The following MAGI2 variants were observed in gnomAD, a reference collection of about 807,000 sequenced individuals.
MAGI2 encodes the protein membrane associated guanylate kinase, WW and PDZ domain containing 2.
Under a neutral mutation model 133.3 loss-of-function variants are expected in MAGI2, and 35 were observed. The ratio of observed to expected loss-of-function variants is 0.26; its 90% CI spans 0.20 to 0.35. The LOEUF (loss-of-function observed/expected upper bound fraction) is 0.35, where lower values mean the gene tolerates loss of function less well. Among genes scored for constraint, MAGI2 ranks in the 10% least tolerant of loss-of-function variants. The pLI is 1.00. For synonymous variants in MAGI2, 729 were observed against 710.6 expected, an observed-to-expected ratio of 1.03 and a Z score of -0.41; for missense variants, 1,636 against 1,863.4, an observed-to-expected ratio of 0.88 and a Z score of 2.25.
rs554180734 is a variant in MAGI2 at position 78,891,192 on chromosome 7, T to G, written c.418+115898A>C. Among the ~76,000 whole-genome samples the G allele has an allele frequency of 3.8e-3, 572 of 152,268 alleles. 4 individuals carry two copies. The highest frequency in any genetic ancestry group is 0.013 in the African/African-American group (548 of 41,556). On this transcript the variant is annotated intron_variant, in intron 2 of 21. Transcript: ENST00000354212. ...GACTAAACCAGGAAGAAGTTGAATT[T>G]CTGAATAGACCAATAACAGGCTCTG...
At chr7:79,442,556 G>C (rs1001695101) in intron 1 of MAGI2, among the ~76,000 whole-genome samples, 4 of 151,810 alleles carry the variant, frequency 2.6e-5, no homozygotes, top group Non-Finnish European at 5.9e-5. Flanking sequence ...GACTGAAGAA[G>C]AGCAAAGCAT....
At chr7:78,355,645 G>A (rs934404368) in intron 7 of MAGI2, among the ~76,000 whole-genome samples, 1 of 152,174 alleles carries the variant, frequency 6.6e-6, no homozygotes, top group Non-Finnish European at 1.5e-5. Flanking sequence ...CACTGAGTTA[G>A]GTGATTCTGC....
intron 2 of MAGI2, among the ~76,000 whole-genome samples, chr7:78,832,330 A>G (rs2151444664): frequency 6.6e-6 from 1 of 152,248 alleles, no homozygotes; most frequent in African/African-American, 2.4e-5. Flanking sequence ...AATACATGAC[A>G]TGTCTACCAT....
intron 9 of MAGI2, among the ~76,000 whole-genome samples, chr7:78,301,785 G>A (rs550676918): frequency 3.9e-4 from 60 of 152,204 alleles, no homozygotes; most frequent in African/African-American, 1.3e-3. Context: ...TTCTATGCTT[G>A]TACATATAGA....
intron 12 of MAGI2, among the ~76,000 whole-genome samples, chr7:78,187,331 C>T (rs1228243276): frequency 6.6e-6 from 1 of 151,998 alleles, no homozygotes; most frequent in Non-Finnish European, 1.5e-5. Flanking sequence ...ATATAATCAT[C>T]AATCATATGC....
intron 1 of MAGI2, among the ~76,000 whole-genome samples, chr7:79,115,862 T>G (rs909226055): frequency 1.3e-5 from 2 of 148,456 alleles, no homozygotes; most frequent in African/African-American, 2.5e-5. Flanking sequence ...AAGTTTTTTT[T>G]TTTTTTTTTT....
At chr7:79,102,659 C>A (rs558880315) in intron 1 of MAGI2, among the ~76,000 whole-genome samples, 1 of 152,242 alleles carries the variant, frequency 6.6e-6, no homozygotes, top group East Asian at 1.9e-4. Flanking sequence ...ATTCTAGTGA[C>A]ATTTTAAAAA....
chr7:79,123,045 G>A (rs959179350), intron 1 of MAGI2, among the ~76,000 whole-genome samples: 3 of 152,158 alleles, frequency 2.0e-5, no homozygotes, highest in Non-Finnish European at 1.5e-5. Context: ...AACAGAGAAT[G>A]AAGGAAACAA....
chr7:79,390,640 G>A (rs545721223), intron 1 of MAGI2, among the ~76,000 whole-genome samples: 1 of 152,200 alleles, frequency 6.6e-6, no homozygotes, highest in African/African-American at 2.4e-5. Context: ...TAAAGTATGT[G>A]GGAATAGTCA....
intron 2 of MAGI2, among the ~76,000 whole-genome samples, chr7:78,970,912 T>C (rs1803733572): frequency 6.6e-6 from 1 of 152,052 alleles, no homozygotes. Context: ...CATTTTGGGC[T>C]TGGAGAGAGG....
chr7:78,659,245 T>C (rs1812648571), intron 2 of MAGI2, among the ~76,000 whole-genome samples: 1 of 150,846 alleles, frequency 6.6e-6, no homozygotes, highest in South Asian at 2.1e-4. Context: ...GGTCAGGAGA[T>C]TGAGACCATC....
At chr7:79,190,389 G>A (rs895520655) in intron 1 of MAGI2, among the ~76,000 whole-genome samples, 19 of 151,724 alleles carry the variant, frequency 1.3e-4, no homozygotes, top group Non-Finnish European at 5.9e-5. Context: ...GTTGAGCATC[G>A]TTTCATATGC....
chr7:78,376,152 G>T (rs1794431498), intron 6 of MAGI2, among the ~76,000 whole-genome samples: 1 of 151,986 alleles, frequency 6.6e-6, no homozygotes, highest in Non-Finnish European at 1.5e-5. Context: ...CTTTTTCCAT[G>T]TATCAAGGTT....
intron 1 of MAGI2, among the ~76,000 whole-genome samples, chr7:79,044,630 ACTAT>A (rs1032746836): frequency 2.6e-5 from 4 of 152,182 alleles, no homozygotes; most frequent in Non-Finnish European, 5.9e-5. Flanking sequence ...AGGAAGTCAA[ACTAT>A]CTATTTTGGC....
chr7:78,687,969 TAAAAAAAAAA>T lies in MAGI2; in HGVS notation c.419-60740_419-60731del, dbSNP rs72030909. Among the ~76,000 whole-genome samples, 171 of 67,248 alleles carry T rather than the reference TAAAAAAAAAA, an allele frequency of 2.5e-3. 1 individual carries two copies. Among genetic ancestry groups the T allele is most frequent in the African/African-American group, 7.5e-3 (145 of 19,228 alleles). The allele number at this position is 67,248 out of a possible 152,430, so 44.1% of individuals were successfully genotyped here. On this transcript the variant is annotated intron_variant, in intron 2 of 21. Transcript: ENST00000354212. ...TGGGCAAGAGAGTGAGTCCTTGCCT[TAAAAAAAAAA>T]AAAAAAAAAAAAAAAAAAAAAAGAA... is the stretch of plus-strand genomic sequence containing the variant.
intron 9 of MAGI2, among the ~76,000 whole-genome samples, chr7:78,280,853 CAA>C (rs36097343): frequency 4.6e-5 from 5 of 108,036 alleles, no homozygotes; most frequent in East Asian, 2.8e-4. Context: ...GATGGGTATA[CAA>C]AAAAAAAAAA....
rs1429250497 is a variant in MAGI2 at position 78,249,303 on chromosome 7, G to A, written c.2047+6640C>T. Among the ~76,000 whole-genome samples the A allele has an allele frequency of 2.0e-5, 3 of 152,092 alleles. No homozygotes were observed. The East Asian group carries it at 5.8e-4, about 29-fold the overall frequency. On this transcript the variant is annotated intron_variant, in intron 10 of 21. Transcript: ENST00000354212. Reference sequence around the variant, plus strand: ...TATAGCCATTACAGAAAACAGTATGGAAGTTCCTCAAAATATTAAAAATAG... The same window carrying A: ...TATAGCCATTACAGAAAACAGTATGAAAGTTCCTCAAAATATTAAAAATAG...
chr7:78,658,800 A>G (rs534363711), intron 2 of MAGI2, among the ~76,000 whole-genome samples: 1 of 152,340 alleles, frequency 6.6e-6, no homozygotes, highest in African/African-American at 2.4e-5. Context: ...TAAAATAAAA[A>G]ATAGTGACAA....
intron 6 of MAGI2, among the ~76,000 whole-genome samples, chr7:78,454,025 C>T (rs933628292): frequency 1.3e-5 from 2 of 152,030 alleles, no homozygotes; most frequent in African/African-American, 4.8e-5. Flanking sequence ...ATTTATCTTT[C>T]GTGTTGAAAT....
Sources: allele counts gnomAD v4.1 joint callset (sites outside exome capture counted in the v4.1 genomes callset), GRCh38; gene constraint gnomAD v4.1.1; transcripts MANE v1.5; gene names NCBI Gene and HGNC (gene_info 2026-07-23, HGNC 2026-07-21).